IFFO2: variants seen among roughly 807,000 people sequenced by gnomAD.
IFFO2 encodes the protein intermediate filament family orphan 2.
Under a neutral mutation model 53.5 loss-of-function variants are expected in IFFO2, and 19 were observed. The observed-to-expected ratio is 0.36, with a 90% CI of 0.25 to 0.52. The LOEUF (loss-of-function observed/expected upper bound fraction) is 0.52, where lower values mean the gene tolerates loss of function less well. Ranked by LOEUF, IFFO2 falls within the 20% of genes least tolerant of loss-of-function variation. IFFO2 has a pLI of 0.94. For synonymous variants in IFFO2, 303 were observed against 313.6 expected (o/e 0.97, Z 0.36); for missense variants, 570 against 727.4 (o/e 0.78, Z 2.49).
rs1935931616 is a variant in IFFO2, at chr1:18,905,328, T to C, written c.*3233A>G. ...GCCGGGGGACAGGAATGGGTTCCAT[T>C]CAATCCAGCAACAACATGCACCATG... On this transcript the variant is annotated 3_prime_UTR_variant, in exon 9 of 9. Transcript: ENST00000455833. The C allele has an allele frequency of 6.6e-6, 1 of 152,180 alleles. No individual in the cohort carries two copies. The highest frequency in any genetic ancestry group is 2.1e-4 in the South Asian group (1 of 4,826). 9.4% of individuals were successfully genotyped at this position (152,180 alleles called of 1,614,324 possible). A position where few individuals can be genotyped will look rare whatever the true frequency, so the allele number is the denominator to read the frequency against.
chr1:18,941,279 G>A (rs915743260), intron 1 of IFFO2, among the ~76,000 whole-genome samples: 8 of 152,240 alleles, frequency 5.3e-5, no homozygotes, highest in African/African-American at 1.4e-4. Context: ...GGGGCTGAGC[G>A]CAAGCCAAGC....
chr1:18,912,433 T>G (rs980171621), intron 5 of IFFO2, among the ~76,000 whole-genome samples: 3 of 152,182 alleles, frequency 2.0e-5, no homozygotes, highest in East Asian at 1.9e-4. Context: ...AGTGAGATGT[T>G]CAATATAATA....
Position 18,928,901 on chromosome 1 carries a change from C to G in IFFO2, c.666-7780G>C, listed in dbSNP as rs1936336775. ...GGTGACAGCCTCAGGGATACCAACT[C>G]CATCCGGAGTTATCCTGGGTGCCAT... is the stretch of plus-strand genomic sequence containing the variant. On this transcript the variant is annotated intron_variant, in intron 1 of 8. Transcript: ENST00000455833. The surrounding 1 kb of genome is among the most constrained non-coding windows in gnomAD (Gnocchi z 4.9). 6.6e-6 allele frequency among the ~76,000 whole-genome samples: 1 copy of G among 152,214 alleles called. No homozygotes were observed. The highest frequency in any genetic ancestry group is 2.4e-5 in the African/African-American group (1 of 41,456).
chr1:18,949,034 T>C (rs28452151), intron 1 of IFFO2, among the ~76,000 whole-genome samples: 120,576 of 152,198 alleles, frequency 0.79, 48,890 homozygotes, highest in East Asian at 0.94. Flanking sequence ...CCCAGCACCC[T>C]GCACTGCCAG....
intron 7 of IFFO2, among the ~76,000 whole-genome samples, chr1:18,910,969 C>G (rs980902105): frequency 6.6e-6 from 1 of 152,240 alleles, no homozygotes; most frequent in Non-Finnish European, 1.5e-5. Flanking sequence ...GCTTCCTGGC[C>G]GCAAGGCCTT....
intron 1 of IFFO2, among the ~76,000 whole-genome samples, chr1:18,921,394 G>A (rs1232324123): frequency 6.6e-6 from 1 of 152,184 alleles, no homozygotes; most frequent in Non-Finnish European, 1.5e-5. Flanking sequence ...ACAGAGGTGG[G>A]AGGGACCACC....
intron 5 of IFFO2, among the ~76,000 whole-genome samples, chr1:18,915,870 A>G (rs551901187): frequency 6.6e-6 from 1 of 152,306 alleles, no homozygotes; most frequent in East Asian, 1.9e-4. Flanking sequence ...CATGCCAGTA[A>G]TCCCAGCACT....
In IFFO2 at chr1:18,955,487, C is replaced by A. The variant is rs75754139; in HGVS notation, c.665+181G>T. Among the ~76,000 whole-genome samples the A allele has an allele frequency of 7.4e-3, 1,127 of 152,320 alleles. 6 individuals are homozygous for A. The highest frequency in any genetic ancestry group is 0.027 in the Middle Eastern group (8 of 294). On this transcript the variant is annotated intron_variant, in intron 1 of 8. Coordinates refer to ENST00000455833, the MANE Select transcript of IFFO2 (RefSeq NM_001136265.2). ...GCCCCCACGGTAGCCAGCGCCCGCC[C>A]CCATCCTGGGATCTAGATAACTGGG...
At chr1:18,922,043 G>C (rs1936223371) in intron 1 of IFFO2, among the ~76,000 whole-genome samples, 5 of 152,132 alleles carry the variant, frequency 3.3e-5, no homozygotes, top group Admixed American at 3.3e-4. Context: ...CTATGACGTA[G>C]GCACCGTCAT....
chr1:18,908,524 C>T lies in IFFO2; in HGVS notation c.*37G>A. The T allele has an allele frequency of 6.9e-7, 1 of 1,452,810 alleles. No individual in the cohort carries two copies. The highest frequency in any genetic ancestry group is 9.5e-7 in the Non-Finnish European group (1 of 1,056,744). The allele number at this position is 1,452,810 out of a possible 1,614,324, so 90.0% of individuals were successfully genotyped here. On this transcript the variant is annotated 3_prime_UTR_variant, in exon 9 of 9. Transcript: ENST00000455833. ...CCCATGAGGAGAGGTGGCAGGGCCC[C>T]ATCACCAAGACCACCAGGCTCGCAG...
At chr1:18,934,668 G>A (rs567936070) in intron 1 of IFFO2, among the ~76,000 whole-genome samples, 16 of 152,286 alleles carry the variant, frequency 1.1e-4, no homozygotes, top group Middle Eastern at 3.4e-3. Flanking sequence ...GAGAATTACG[G>A]TTAACATCGG....
intron 1 of IFFO2, among the ~76,000 whole-genome samples, chr1:18,940,598 T>A (rs1296508309): frequency 6.6e-6 from 1 of 151,300 alleles, no homozygotes; most frequent in East Asian, 1.9e-4. Flanking sequence ...GATGGATGGA[T>A]GGATGGATGG....
rs544528160 is a variant in IFFO2, at chr1:18,909,076, G to T, written c.1449-410C>A. Among the ~76,000 whole-genome samples, 6 of 152,010 alleles carry T rather than the reference G, an allele frequency of 3.9e-5. No homozygotes were observed. In the East Asian group the frequency reaches 5.8e-4, roughly 15 times the overall value. ...ATTCTATCTCGGATGAGCTGGGGGTGGGGGAACTTGGGCAAACCGTTTAAC... is the reference window on the plus strand; with the variant it reads ...ATTCTATCTCGGATGAGCTGGGGGTTGGGGAACTTGGGCAAACCGTTTAAC... On this transcript the variant is annotated intron_variant, in intron 8 of 8. Coordinates refer to ENST00000455833, the MANE Select transcript of IFFO2 (RefSeq NM_001136265.2).
intron 1 of IFFO2, among the ~76,000 whole-genome samples, chr1:18,948,979 G>A (rs1191386503): frequency 6.6e-6 from 1 of 152,238 alleles, no homozygotes; most frequent in African/African-American, 2.4e-5. Context: ...TCGAGAGGCA[G>A]TGACTAGCCC....
chr1:18,910,613 G>C, intron 7 of IFFO2, 141 bp from the exon 8 acceptor site: 1 of 920,238 alleles, frequency 1.1e-6, no homozygotes, highest in Non-Finnish European at 1.7e-6. Flanking sequence ...CCCTGCCTCC[G>C]GACATCAACC....
intron 8 of IFFO2, among the ~76,000 whole-genome samples, chr1:18,909,756 C>T (rs1936007693): frequency 2.0e-5 from 3 of 151,840 alleles, no homozygotes; most frequent in Admixed American, 1.3e-4. Context: ...TATAAATTAC[C>T]CAGTCTCAGG....
At chr1:18,935,562 G>A (rs984174185) in intron 1 of IFFO2, among the ~76,000 whole-genome samples, 12 of 152,070 alleles carry the variant, frequency 7.9e-5, no homozygotes, top group Non-Finnish European at 2.9e-5. Flanking sequence ...CCTCCAGGAG[G>A]CTGACCCGAC....
At position 18,918,131 on chromosome 1, in the gene IFFO2, G is replaced by A. The variant is rs543276266; in HGVS notation, c.963+231C>T. ...GTGAGCACAGCACATCACCCTCTGG[G>A]CCTCGGTCTCCCCAGCCATAGGATG... is the stretch of plus-strand genomic sequence containing the variant. On this transcript the variant is annotated intron_variant, in intron 4 of 8. Transcript: ENST00000455833. This position sits in a 1 kb window ranked among gnomAD's most constrained non-coding sequence, Gnocchi z 5.2. Among the ~76,000 whole-genome samples, 13 of 152,200 alleles carry A rather than the reference G, an allele frequency of 8.5e-5. No individual in the cohort carries two copies. The highest frequency in any genetic ancestry group is 1.6e-4 in the Non-Finnish European group (11 of 68,028).
chr1:18,955,665 C>T lies in IFFO2; in HGVS notation c.665+3G>A. ...GGGCGGCGGGGGAGGGGCGGCCACTCACCTCCGCTTATACTCGTCGCGCTC... is the reference window on the plus strand; with the variant it reads ...GGGCGGCGGGGGAGGGGCGGCCACTTACCTCCGCTTATACTCGTCGCGCTC... On this transcript the variant is annotated splice_donor_region_variant and intron_variant, in intron 1 of 8. Transcript: ENST00000455833. The T allele has an allele frequency of 6.4e-7, 1 of 1,574,510 alleles. No homozygotes were observed. The highest frequency in any genetic ancestry group is 8.6e-7 in the Non-Finnish European group (1 of 1,164,946).
Sources: gnomAD v4.1 joint callset for allele counts (sites outside exome capture counted in the v4.1 genomes callset) on GRCh38, gnomAD v4.1.1 for gene constraint, Gnocchi (gnomAD v3.1) non-coding constraint, MANE v1.5 for transcripts, NCBI Gene and HGNC (gene_info 2026-07-23, HGNC 2026-07-21) for gene names.